The following TTC28 variants were observed in gnomAD, a reference collection of about 807,000 sequenced individuals.
TTC28 encodes tetratricopeptide repeat protein 28.
TTC28 carries 61 observed loss-of-function variants against 198.0 expected under a neutral mutation model. That is an observed-to-expected ratio of 0.31 (90% CI 0.25 to 0.38). The LOEUF is 0.38. Ranked by LOEUF, TTC28 falls within the 10% of genes least tolerant of loss-of-function variation. The pLI is 1.00. For synonymous variants in TTC28, 1,171 were observed against 1,297.8 expected (o/e 0.90, Z 2.10); for missense variants, 2,678 against 3,164.0 (o/e 0.85, Z 3.69).
chr22:28,628,603 G>A (rs746892550), intron 2 of TTC28, among the ~76,000 whole-genome samples: 3 of 151,680 alleles, frequency 2.0e-5, no homozygotes, highest in Admixed American at 6.6e-5. Flanking sequence ...CTCCCATTTC[G>A]CCCCTCTCCT....
chr22:28,032,271 T>TATATA lies in TTC28; in HGVS notation c.3933-1906_3933-1905insTATAT, dbSNP rs1569095159. 3.2e-5 allele frequency among the ~76,000 whole-genome samples: 3 copies of TATATA among 94,402 alleles called. No homozygotes were observed. The East Asian group carries it at 7.6e-4, about 24-fold the overall frequency. 61.9% of individuals were successfully genotyped at this position (94,402 alleles called of 152,430 possible). A position where few individuals can be genotyped will look rare whatever the true frequency, so the allele number is the denominator to read the frequency against. On this transcript the variant is annotated intron_variant, in intron 12 of 22. Coordinates refer to ENST00000397906, the MANE Select transcript of TTC28 (RefSeq NM_001145418.2). ...ATAAAATATATATATATATATAGTG[T>TATATA]GTGTGTGTGTGTGTGTGTGTGTGTA...
chr22:28,229,137 C>T (rs1412617442), intron 5 of TTC28, among the ~76,000 whole-genome samples: 1 of 152,184 alleles, frequency 6.6e-6, no homozygotes, highest in African/African-American at 2.4e-5. Context: ...GCCTGGGCGA[C>T]AGAGCAAGAC....
rs1001335605 is a variant in TTC28 at position 28,591,839 on chromosome 22, A to C, written c.381+37713T>G. On this transcript the variant is annotated intron_variant, in intron 2 of 22. Coordinates refer to ENST00000397906, the MANE Select transcript of TTC28 (RefSeq NM_001145418.2). ...GCTAGGAAGTAATTTCTAGGGATAC[A>C]CTATTTTGCTCTAAGAATTGTGGGA... 4.6e-5 allele frequency among the ~76,000 whole-genome samples: 7 copies of C among 152,292 alleles called. No individual in the cohort carries two copies. In the East Asian group the frequency reaches 1.2e-3, roughly 25 times the overall value.
intron 1 of TTC28, among the ~76,000 whole-genome samples, chr22:28,633,182 A>G (rs939975081): frequency 6.6e-6 from 1 of 151,490 alleles, no homozygotes; most frequent in Non-Finnish European, 1.5e-5. Flanking sequence ...CAGGAGGCTG[A>G]GGTAGGAGAA....
At chr22:28,568,691 C>T (rs2050016972) in intron 2 of TTC28, among the ~76,000 whole-genome samples, 1 of 152,060 alleles carries the variant, frequency 6.6e-6, no homozygotes, top group Non-Finnish European at 1.5e-5. Context: ...ACATGCTGAA[C>T]AAAATTAGAG....
rs558914320 is a variant in TTC28 at position 28,434,070 on chromosome 22, G to C, written c.382-127427C>G. On this transcript the variant is annotated intron_variant, in intron 2 of 22. Coordinates refer to ENST00000397906, the MANE Select transcript of TTC28 (RefSeq NM_001145418.2). ...ATGTCAAGCTTTTTGGGGTTTCTTA[G>C]TTTAATAAGTAGATAGTTGATGAAT... Among the ~76,000 whole-genome samples the C allele has an allele frequency of 1.1e-3, 173 of 152,162 alleles. 6 individuals carry two copies. The South Asian group carries it at 0.035, about 30-fold the overall frequency.
chr22:28,619,772 G>C (rs114208111), intron 2 of TTC28, among the ~76,000 whole-genome samples: 1,693 of 152,254 alleles, frequency 0.011, 30 homozygotes, highest in African/African-American at 0.039. Context: ...GTCCCTATCA[G>C]AGCAACATAA....
intron 12 of TTC28, among the ~76,000 whole-genome samples, chr22:28,072,494 G>A (rs1341355468): frequency 6.6e-6 from 1 of 152,114 alleles, no homozygotes; most frequent in Non-Finnish European, 1.5e-5. Flanking sequence ...ATCCATTAGG[G>A]TGCTATGTAT....
intron 13 of TTC28, among the ~76,000 whole-genome samples, chr22:28,026,440 G>A (rs779369014): frequency 2.0e-5 from 3 of 152,080 alleles, no homozygotes; most frequent in South Asian, 4.2e-4. Flanking sequence ...CACTGTGGCC[G>A]GCCCACTCCC....
At chr22:28,228,720 A>C (rs951953793) in intron 5 of TTC28, among the ~76,000 whole-genome samples, 3 of 151,742 alleles carry the variant, frequency 2.0e-5, no homozygotes, top group Admixed American at 6.6e-5. Context: ...AAAAACAAAA[A>C]ACACACACAC....
intron 5 of TTC28, among the ~76,000 whole-genome samples, chr22:28,180,329 A>C (rs1295579134): frequency 6.6e-6 from 1 of 152,190 alleles, no homozygotes; most frequent in African/African-American, 2.4e-5. Context: ...TAACCAAATA[A>C]ATTTTATAAT....
chr22:27,997,678 A>T (rs978170500), intron 16 of TTC28: 9 of 152,174 alleles, frequency 5.9e-5, no homozygotes, highest in African/African-American at 2.2e-4. Flanking sequence ...AGATTTTTGT[A>T]ACACCCTGGG....
chr22:28,010,601 C>T (rs1938114486), intron 14 of TTC28, among the ~76,000 whole-genome samples: 1 of 152,186 alleles, frequency 6.6e-6, no homozygotes. Flanking sequence ...TCAGCGTGGA[C>T]ACCTCGGCCA....
chr22:28,092,360 C>A (rs757248180), intron 12 of TTC28, among the ~76,000 whole-genome samples: 5 of 152,100 alleles, frequency 3.3e-5, no homozygotes, highest in Non-Finnish European at 7.3e-5. Context: ...TATCATAGTA[C>A]CTTATACACA....
chr22:28,030,731 G>A (rs1046018102), intron 12 of TTC28, among the ~76,000 whole-genome samples: 5 of 152,232 alleles, frequency 3.3e-5, no homozygotes, highest in African/African-American at 9.6e-5. Flanking sequence ...TCTTCCCAGC[G>A]TACAGCTGAG....
chr22:28,594,332 G>A (rs1199812116), intron 2 of TTC28, among the ~76,000 whole-genome samples: 1 of 149,290 alleles, frequency 6.7e-6, no homozygotes, highest in Non-Finnish European at 1.5e-5. Context: ...TATTTTTATG[G>A]CCACTAACCC....
At chr22:28,312,148 T>G (rs1027497465) in intron 2 of TTC28, among the ~76,000 whole-genome samples, 36 of 152,008 alleles carry the variant, frequency 2.4e-4, no homozygotes, top group African/African-American at 8.7e-4. Context: ...AGGGATCAAT[T>G]CAACAAGAAG....
chr22:28,096,629 C>G (rs1941983366), intron 10 of TTC28, among the ~76,000 whole-genome samples: 1 of 152,150 alleles, frequency 6.6e-6, no homozygotes, highest in Non-Finnish European at 1.5e-5. Flanking sequence ...GCCATCAGAC[C>G]TTCGCCTGTC....
intron 12 of TTC28, among the ~76,000 whole-genome samples, chr22:28,073,922 G>T (rs1941080552): frequency 6.6e-6 from 1 of 152,172 alleles, no homozygotes; most frequent in Non-Finnish European, 1.5e-5. Flanking sequence ...GTGGTTAAAT[G>T]TCTCTGAAAC....
Sources: allele counts gnomAD v4.1 joint callset (sites outside exome capture counted in the v4.1 genomes callset), GRCh38; gene constraint gnomAD v4.1.1; transcripts MANE v1.5; gene names NCBI Gene and HGNC (gene_info 2026-07-23, HGNC 2026-07-21).